Variants in ASTN2 observed in about 807,000 individuals in gnomAD.
The protein encoded by ASTN2 is astrotactin 2, also known as astrotactin-2.
In ASTN2, 54 loss-of-function variants were observed where a neutral mutation model predicts 139.8. The ratio of observed to expected loss-of-function variants is 0.39; its 90% CI spans 0.31 to 0.48. The LOEUF (loss-of-function observed/expected upper bound fraction) is 0.48, where lower values mean the gene tolerates loss of function less well. Among genes scored for constraint, ASTN2 ranks in the 20% least tolerant of loss-of-function variants. The probability of loss-of-function intolerance (pLI) is 0.95; values close to 1 mark genes in which losing one functional copy is unlikely to be tolerated. For synonymous variants in ASTN2, 756 were observed against 719.5 expected (o/e 1.05, Z -0.81); for missense variants, 1,565 against 1,725.1 (o/e 0.91, Z 1.64).
intron 4 of ASTN2, among the ~76,000 whole-genome samples, chr9:117,138,958 T>C (rs554339911): frequency 1.3e-5 from 2 of 152,214 alleles, no homozygotes; most frequent in African/African-American, 4.8e-5. Flanking sequence ...GTTAAGAAAA[T>C]TATGATGCAT....
At chr9:116,477,772 G>A (rs1272325418) in intron 20 of ASTN2, among the ~76,000 whole-genome samples, 1 of 148,578 alleles carries the variant, frequency 6.7e-6, no homozygotes, top group Non-Finnish European at 1.5e-5. Flanking sequence ...TGTAATCCCA[G>A]TACTTTGGGA....
intron 12 of ASTN2, among the ~76,000 whole-genome samples, chr9:116,815,795 A>G (rs1831301544): frequency 7.1e-6 from 1 of 141,610 alleles, no homozygotes; most frequent in South Asian, 2.2e-4. Flanking sequence ...ACAGAGCGAG[A>G]CTCCGTCTCA....
At chr9:116,441,766 T>C (rs1018822740) in intron 21 of ASTN2, among the ~76,000 whole-genome samples, 1 of 152,216 alleles carries the variant, frequency 6.6e-6, no homozygotes, top group Non-Finnish European at 1.5e-5. Flanking sequence ...CCAGGACTTA[T>C]GAGCCACTGT....
At chr9:117,074,186 A>G (rs1828213193) in intron 5 of ASTN2, among the ~76,000 whole-genome samples, 1 of 152,196 alleles carries the variant, frequency 6.6e-6, no homozygotes, top group Non-Finnish European at 1.5e-5. Flanking sequence ...TATGTCAAAC[A>G]TGATTCCGAG....
chr9:117,100,113 G>C (rs1470828989), intron 4 of ASTN2, among the ~76,000 whole-genome samples: 1 of 152,192 alleles, frequency 6.6e-6, no homozygotes, highest in Admixed American at 6.5e-5. Flanking sequence ...CTGTTTTCTT[G>C]TAGGAACTCT....
chr9:116,585,131 T>TA (rs1400074118), intron 19 of ASTN2: 3 of 152,146 alleles, frequency 2.0e-5, no homozygotes, highest in African/African-American at 7.2e-5. Context: ...TATATATATA[T>TA]AAAAATTATC....
At chr9:116,661,816 G>C (rs1858577392) in intron 16 of ASTN2, among the ~76,000 whole-genome samples, 2 of 151,958 alleles carry the variant, frequency 1.3e-5, no homozygotes, top group Non-Finnish European at 2.9e-5. Flanking sequence ...TGAACAATGA[G>C]AACACTTGGA....
chr9:117,325,463 T>A (rs1047901350), intron 1 of ASTN2, among the ~76,000 whole-genome samples: 2 of 152,084 alleles, frequency 1.3e-5, no homozygotes, highest in Admixed American at 1.3e-4. Context: ...CTGAGATTGA[T>A]CTCATAACAA....
rs58832163 is a variant in ASTN2 at position 116,948,785 on chromosome 9, G to GTTTTTTTTTTT, written c.1889+26412_1889+26422dup. On this transcript the variant is annotated intron_variant, in intron 10 of 22. Coordinates refer to ENST00000313400, the MANE Select transcript of ASTN2 (RefSeq NM_001365068.1). ...AGAGAGAGGAGAGAAATAATTTGGT[G>GTTTTTTTTTTT]TTTTTTTTTTTTTTTTTTTTTTTTT... Among the ~76,000 whole-genome samples, 199 of 49,470 alleles carry GTTTTTTTTTTT rather than the reference G, an allele frequency of 4.0e-3. 44 individuals are homozygous for GTTTTTTTTTTT. The highest frequency in any genetic ancestry group is 0.017 in the African/African-American group (193 of 11,586). The allele number at this position is 49,470 out of a possible 152,430, so 32.5% of individuals were successfully genotyped here. A position where few individuals can be genotyped will look rare whatever the true frequency, so the allele number is the denominator to read the frequency against.
chr9:116,833,012 A>ATG lies in ASTN2; in HGVS notation c.2041-12230_2041-12229insCA, dbSNP rs1223554105. Among the ~76,000 whole-genome samples the ATG allele has an allele frequency of 3.3e-5, 3 of 89,670 alleles. No homozygotes were observed. In the East Asian group the frequency reaches 2.2e-3, roughly 65 times the overall value. 58.8% of individuals were successfully genotyped at this position (89,670 alleles called of 152,430 possible). On this transcript the variant is annotated intron_variant, in intron 11 of 22. Coordinates refer to ENST00000313400, the MANE Select transcript of ASTN2 (RefSeq NM_001365068.1). ...CTTTAAACATTTGGTATATTTCTCC[A>ATG]GTGAAACTATCCAGGACAGGGATTT...
chr9:116,962,044 G>A (rs1252104189), intron 10 of ASTN2, among the ~76,000 whole-genome samples: 1 of 152,196 alleles, frequency 6.6e-6, no homozygotes, highest in Admixed American at 6.5e-5. Flanking sequence ...GGCAGAGCTA[G>A]GATTTGAGGC....
intron 13 of ASTN2, among the ~76,000 whole-genome samples, chr9:116,750,750 A>G (rs1829377327): frequency 6.6e-6 from 1 of 152,154 alleles, no homozygotes; most frequent in Admixed American, 6.6e-5. Context: ...CACAAGCAGA[A>G]CCTAGCTAGT....
intron 19 of ASTN2, among the ~76,000 whole-genome samples, chr9:116,531,335 A>G (rs778170911): frequency 1.3e-5 from 2 of 152,220 alleles, no homozygotes; most frequent in African/African-American, 4.8e-5. Context: ...TTCTTTTGAC[A>G]TATGATACAG....
chr9:116,432,821 T>C (rs1217114359), intron 22 of ASTN2, among the ~76,000 whole-genome samples: 1 of 151,936 alleles, frequency 6.6e-6, no homozygotes. Flanking sequence ...TCCCAGGTAC[T>C]TGGGAGGCTG....
intron 6 of ASTN2, among the ~76,000 whole-genome samples, chr9:117,017,087 A>T: frequency 6.6e-6 from 1 of 152,118 alleles, no homozygotes. Flanking sequence ...TGACGTTTCA[A>T]AAAAGTATCT....
chr9:116,514,418 G>A (rs1850546483), intron 19 of ASTN2, among the ~76,000 whole-genome samples: 1 of 152,002 alleles, frequency 6.6e-6, no homozygotes, highest in Non-Finnish European at 1.5e-5. Context: ...CCTACTAGGG[G>A]GTGCCTCCCA....
intron 19 of ASTN2, among the ~76,000 whole-genome samples, chr9:116,518,391 G>C (rs569881197): frequency 2.6e-5 from 4 of 152,220 alleles, no homozygotes; most frequent in African/African-American, 9.6e-5. Context: ...GCCAGGAATT[G>C]TGTATCCAGA....
At chr9:116,936,173 ACAC>A (rs1835070928) in intron 10 of ASTN2, among the ~76,000 whole-genome samples, 1 of 7,850 alleles carries the variant, frequency 1.3e-4, no homozygotes, top group African/African-American at 5.3e-4. Context: ...ACTACCACCA[ACAC>A]CATCGCCACC....
intron 3 of ASTN2, chr9:117,181,110 C>T (rs1831054465): frequency 2.0e-5 from 18 of 915,286 alleles, no homozygotes; most frequent in Non-Finnish European, 2.5e-5. Flanking sequence ...AACAAACAGG[C>T]TGCATACACT....
Sources: gnomAD v4.1 joint callset for allele counts (sites outside exome capture counted in the v4.1 genomes callset) on GRCh38, gnomAD v4.1.1 for gene constraint, MANE v1.5 for transcripts, NCBI Gene and HGNC (gene_info 2026-07-23, HGNC 2026-07-21) for gene names.